The following CCDC30 variants were observed in gnomAD, a reference collection of about 807,000 sequenced individuals.
CCDC30 encodes the protein coiled-coil domain containing 30.
CCDC30 carries 70 observed loss-of-function variants against 100.2 expected under a neutral mutation model. That is an observed-to-expected ratio of 0.70 (90% CI 0.58 to 0.85). CCDC30 has a LOEUF of 0.85. CCDC30 is among the 40% of genes least tolerant of loss of function. CCDC30 has a pLI of 0.00. For missense variants in CCDC30, 652 were observed against 771.2 expected, an observed-to-expected ratio of 0.85 and a Z score of 1.83; for synonymous variants, 233 against 269.5, an observed-to-expected ratio of 0.86 and a Z score of 1.33.
At chr1:42,655,896 CAG>C (rs1557504398), downstream of CCDC30, among the ~76,000 whole-genome samples, 1 of 100,076 alleles carries the variant, frequency 1.0e-5, no homozygotes, top group African/African-American at 3.9e-5. Flanking sequence ...TTTTTTGAGA[CAG>C]GGTCTCACTT....
chr1:42,653,246 C>T, intron 15 of CCDC30, 130 bp from the exon 20 acceptor site: 1 of 464,372 alleles, frequency 2.2e-6, no homozygotes. Flanking sequence ...CATTCTGTAC[C>T]CTTTTATGTT....
chr1:42,473,454 T>C (rs1027133642), intron 1 of CCDC30: 2 of 407,700 alleles, frequency 4.9e-6, no homozygotes, highest in African/African-American at 4.1e-5. Flanking sequence ...TAATGAAACA[T>C]GGCAACAGTC....
intron 11 of CCDC30, among the ~76,000 whole-genome samples, chr1:42,630,035 C>T (rs956434931): frequency 1.0e-4 from 15 of 147,352 alleles, no homozygotes; most frequent in Admixed American, 2.0e-4. Context: ...AGTGCAGTGC[C>T]GCAATCTCAG....
chr1:42,565,190 G>A (rs1163160144), intron 6 of CCDC30, among the ~76,000 whole-genome samples: 4 of 152,060 alleles, frequency 2.6e-5, no homozygotes, highest in Non-Finnish European at 5.9e-5. Flanking sequence ...GACAAATGGG[G>A]TTGCGTCAAG....
exon 1 of CCDC30, chr1:42,463,325 A>T (rs1051832233): frequency 6.6e-6 from 1 of 152,252 alleles, no homozygotes; most frequent in African/African-American, 2.4e-5. Context: ...TGCAGCTAGC[A>T]GCTGAGCGCG....
intron 14 of CCDC30, among the ~76,000 whole-genome samples, chr1:42,645,728 G>A (rs902131301): frequency 2.0e-5 from 3 of 152,002 alleles, no homozygotes; most frequent in Admixed American, 6.6e-5. Context: ...TTGATATCCA[G>A]TAATTTATGT....
exon 3 of CCDC30, chr1:42,482,770 G>T (rs41269489): frequency 8.3e-5 from 102 of 1,233,816 alleles, no homozygotes; most frequent in Non-Finnish European, 9.3e-5. Context: ...AGATTCAAAG[G>T]CTCACTGATG....
chr1:42,491,222 G>A (rs1187121688), intron 4 of CCDC30, among the ~76,000 whole-genome samples: 2 of 152,068 alleles, frequency 1.3e-5, no homozygotes, highest in Non-Finnish European at 2.9e-5. Context: ...CAGTCAACAT[G>A]ACCTAATTGA....
chr1:42,540,340 T>C (rs1358676808), intron 6 of CCDC30, among the ~76,000 whole-genome samples: 3 of 152,090 alleles, frequency 2.0e-5, no homozygotes, highest in African/African-American at 7.2e-5. Flanking sequence ...CAACTAAGCC[T>C]TTTTTGTGGG....
intron 1 of CCDC30, among the ~76,000 whole-genome samples, chr1:42,478,795 G>GC (rs771300787): frequency 2.2e-4 from 33 of 151,468 alleles, no homozygotes; most frequent in Non-Finnish European, 3.4e-4. Flanking sequence ...ACCAAACTGC[G>GC]CCCCCCCAAG....
intron 6 of CCDC30, among the ~76,000 whole-genome samples, chr1:42,514,752 C>T (rs186373002): frequency 6.6e-6 from 1 of 152,314 alleles, no homozygotes; most frequent in Admixed American, 6.5e-5. Flanking sequence ...CTACCAGGTT[C>T]AAGTGATTCT....
At chr1:42,537,656 CA>C (rs960812392) in intron 6 of CCDC30, 1 of 185,404 alleles carries the variant, frequency 5.4e-6, no homozygotes, top group Non-Finnish European at 1.1e-5. Flanking sequence ...CCTGTGTCAT[CA>C]ATGTAAAAAT....
At chr1:42,503,435 C>T (rs1283425086) in intron 6 of CCDC30, among the ~76,000 whole-genome samples, 1 of 152,100 alleles carries the variant, frequency 6.6e-6, no homozygotes, top group Non-Finnish European at 1.5e-5. Context: ...TTATGTAGGG[C>T]CTACAGATTG....
At chr1:42,585,577 C>T (rs1476446774) in intron 9 of CCDC30, among the ~76,000 whole-genome samples, 1 of 151,850 alleles carries the variant, frequency 6.6e-6, no homozygotes, top group Non-Finnish European at 1.5e-5. Flanking sequence ...TTCTTTGCTT[C>T]TGCTTGCTTT....
intron 2 of CCDC30, among the ~76,000 whole-genome samples, chr1:42,481,158 T>G (rs190087960): frequency 1.0e-3 from 153 of 151,752 alleles, no homozygotes; most frequent in African/African-American, 3.6e-3. Flanking sequence ...AAATTATGCA[T>G]AAAAGTATTT....
exon 2 of CCDC30, chr1:42,480,513 T>C: frequency 1.8e-6 from 1 of 550,182 alleles, no homozygotes; most frequent in Non-Finnish European, 2.3e-6. Context: ...AGCCTCAACC[T>C]CCTGGGCTCA....
the CCDC30 span, chr1:42,456,856 A>C: frequency 6.2e-7 from 1 of 1,612,990 alleles, no homozygotes; most frequent in Non-Finnish European, 8.5e-7. Flanking sequence ...ACCGCTTCCC[A>C]CCCCAGACTT....
In CCDC30 at chr1:42,531,579, GGC is replaced by G. The variant is rs548502387; in HGVS notation, c.456+32664_456+32665del. On this transcript the variant is annotated intron_variant, in intron 6 of 16. Coordinates refer to ENST00000668663, the Ensembl canonical transcript of CCDC30. Reference sequence around the variant, plus strand: ...AGTTTGAGACCAGCCTGGGCAACATGGCAAAACCCCACCTCCACAAAAAAATA... The same window carrying G: ...AGTTTGAGACCAGCCTGGGCAACATGAAAACCCCACCTCCACAAAAAAATA... 1.7e-3 allele frequency among the ~76,000 whole-genome samples: 256 copies of G among 152,170 alleles called. 1 individual carries two copies. The highest frequency in any genetic ancestry group is 6.0e-3 in the African/African-American group (249 of 41,516).
intron 7 of CCDC30, among the ~76,000 whole-genome samples, chr1:42,573,324 T>G (rs1645771609): frequency 6.6e-6 from 1 of 152,166 alleles, no homozygotes; most frequent in Non-Finnish European, 1.5e-5. Context: ...TATTTAAATT[T>G]TCTTATATAT....
Sources: gnomAD v4.1 joint callset for allele counts (sites outside exome capture counted in the v4.1 genomes callset) on GRCh38, gnomAD v4.1.1 for gene constraint, MANE v1.5 for transcripts, NCBI Gene and HGNC (gene_info 2026-07-23, HGNC 2026-07-21) for gene names.